The following TRPC7 variants were observed in gnomAD, a reference collection of about 807,000 sequenced individuals.
TRPC7 encodes the protein transient receptor potential cation channel subfamily C member 7.
Under a neutral mutation model 90.1 loss-of-function variants are expected in TRPC7, and 42 were observed. The observed-to-expected ratio is 0.47, with a 90% CI of 0.36 to 0.60. The LOEUF is 0.60. TRPC7 is among the 20% of genes least tolerant of loss of function. The probability of loss-of-function intolerance (pLI) is 0.00; values close to 1 mark genes in which losing one functional copy is unlikely to be tolerated. For missense variants in TRPC7, 955 were observed against 1,112.3 expected, an observed-to-expected ratio of 0.86 and a Z score of 2.01; for synonymous variants, 451 against 436.3, an observed-to-expected ratio of 1.03 and a Z score of -0.42.
In TRPC7 at chr5:136,336,924, T is replaced by G. The variant is rs547814811; in HGVS notation, c.780+19684A>C. 2.0e-5 allele frequency among the ~76,000 whole-genome samples: 3 copies of G among 152,314 alleles called. No individual in the cohort carries two copies. The East Asian group carries it at 5.8e-4, about 29-fold the overall frequency. ...TTCATCAGAAAGATGAACCACAGAA[T>G]GGTGACAGGACTTGGCCAAGGTCAC... On this transcript the variant is annotated intron_variant, in intron 2 of 11. Transcript: ENST00000513104.
chr5:136,329,736 T>C (rs1267834770), intron 2 of TRPC7, among the ~76,000 whole-genome samples: 1 of 152,204 alleles, frequency 6.6e-6, no homozygotes, highest in Non-Finnish European at 1.5e-5. Context: ...GGCGTGGATA[T>C]GCTTATTTAC....
intron 3 of TRPC7, among the ~76,000 whole-genome samples, chr5:136,284,570 G>T (rs1757650362): frequency 6.6e-6 from 1 of 152,204 alleles, no homozygotes; most frequent in Admixed American, 6.5e-5. Flanking sequence ...CACAGAAGTT[G>T]ATAATAATGT....
At chr5:136,215,501 G>A (rs1326171464) in intron 11 of TRPC7, among the ~76,000 whole-genome samples, 2 of 152,120 alleles carry the variant, frequency 1.3e-5, no homozygotes, top group Admixed American at 1.3e-4. Flanking sequence ...TGTCCTGGTG[G>A]AACCAATTCA....
At chr5:136,364,292 T>G (rs1760658406) in intron 1 of TRPC7, among the ~76,000 whole-genome samples, 1 of 152,204 alleles carries the variant, frequency 6.6e-6, no homozygotes, top group Non-Finnish European at 1.5e-5. Flanking sequence ...TAGGAGCAAG[T>G]GTTTTTGGAA....
intron 3 of TRPC7, among the ~76,000 whole-genome samples, chr5:136,312,862 T>C (rs1251998799): frequency 1.3e-5 from 2 of 152,168 alleles, no homozygotes; most frequent in Non-Finnish European, 2.9e-5. Flanking sequence ...TAGAGGCTGA[T>C]TATAGATTAG....
rs1361032046 is a variant in TRPC7 at position 136,274,798 on chromosome 5, T to C, written c.1003A>G (p.Met335Val). ...AAGCCTGAGAGATTTTCATACCACA[T>C]GGTAAGCAATTGCTGCTGACAGTTA... ...HPNCQQQLLTMWYENLSGLRQ... is the reference protein window; with the variant it reads ...HPNCQQQLLTVWYENLSGLRQ... Residue 335 changes from methionine (M) to valine (V), a missense_variant, in exon 4 of 12, where the codon ATG becomes GTG. Met to Val is a conservative substitution (Grantham distance 21). Transcript: ENST00000513104. 6.3e-7 allele frequency: 1 copy of C among 1,587,660 alleles called. No individual in the cohort carries two copies. Among genetic ancestry groups the C allele is most frequent in the Non-Finnish European group, 8.6e-7 (1 of 1,166,668 alleles).
intron 3 of TRPC7, among the ~76,000 whole-genome samples, chr5:136,287,250 T>C (rs1034002351): frequency 6.6e-6 from 1 of 152,132 alleles, no homozygotes; most frequent in Non-Finnish European, 1.5e-5. Context: ...AGCTCTGTGT[T>C]CTGGTGGTCA....
intron 4 of TRPC7, among the ~76,000 whole-genome samples, chr5:136,270,509 G>A (rs989906788): frequency 6.6e-6 from 1 of 152,132 alleles, no homozygotes; most frequent in African/African-American, 2.4e-5. Context: ...CCCAAACAGA[G>A]TCCTTATGTC....
intron 7 of TRPC7, among the ~76,000 whole-genome samples, chr5:136,234,510 A>G (rs888783285): frequency 1.3e-5 from 2 of 152,030 alleles, no homozygotes; most frequent in African/African-American, 4.8e-5. Flanking sequence ...GGGTTTCACC[A>G]TGTTGGCCAG....
chr5:136,276,191 G>A (rs537107618), intron 3 of TRPC7, among the ~76,000 whole-genome samples: 4 of 152,236 alleles, frequency 2.6e-5, no homozygotes, highest in South Asian at 2.1e-4. Flanking sequence ...AAATATACTC[G>A]TTAGCTTATT....
chr5:136,216,292 G>C lies in TRPC7; in HGVS notation c.2344-17C>G, dbSNP rs1755265025. On this transcript the variant is annotated splice_polypyrimidine_tract_variant and intron_variant, in intron 10 of 11. Transcript: ENST00000513104. ...CATGATTTTCTGAAATGCCAAGCAA[G>C]GAAGGGATCAGACAGGGCTGGCCTA... 8.7e-6 allele frequency: 14 copies of C among 1,605,188 alleles called. No homozygotes were observed. The highest frequency in any genetic ancestry group is 1.2e-5 in the Non-Finnish European group (14 of 1,174,830).
At chr5:136,290,862 A>G (rs1240409125) in intron 3 of TRPC7, among the ~76,000 whole-genome samples, 1 of 152,244 alleles carries the variant, frequency 6.6e-6, no homozygotes, top group Non-Finnish European at 1.5e-5. Context: ...AGTTGAAATG[A>G]AGGAAAAAAT....
intron 2 of TRPC7, among the ~76,000 whole-genome samples, chr5:136,346,653 G>A (rs1002939691): frequency 1.3e-5 from 2 of 152,028 alleles, no homozygotes; most frequent in African/African-American, 2.4e-5. Context: ...AATAACCTCC[G>A]GTTTTCTCCG....
Position 136,251,681 on chromosome 5 carries a change from G to A in TRPC7, c.1547C>T (p.Ser516Leu), listed in dbSNP as rs555327305. ...GAAGTATGCCACTTCCGGCGGAAGC[G>A]AGACATTGTGCAGCGTGTCGTCCTG... The part of the protein sequence containing the change: ...HVQDDTLHNV[S>L]LPPEVAYFTY... The change falls in exon 6 of 12, where the codon TCG (serine) becomes TTG (leucine). Residue 516 changes from serine to leucine, a missense_variant. By Grantham distance (145) the Ser-to-Leu change is moderately radical. This residue lies in a region of TRPC7 where 484 missense variants were observed against 509.6 expected (regional missense o/e 0.95). Transcript: ENST00000513104. 3.8e-5 allele frequency: 61 copies of A among 1,610,694 alleles called. 1 individual carries two copies. In the South Asian group the frequency reaches 6.4e-4, roughly 17 times the overall value.
chr5:136,286,482 C>T (rs927144792), intron 3 of TRPC7, among the ~76,000 whole-genome samples: 2 of 152,156 alleles, frequency 1.3e-5, no homozygotes, highest in Admixed American at 6.5e-5. Flanking sequence ...TGAGGAAGCT[C>T]AAAATATCCA....
At chr5:136,240,063 T>C (rs1439266847) in intron 7 of TRPC7, among the ~76,000 whole-genome samples, 2 of 152,316 alleles carry the variant, frequency 1.3e-5, no homozygotes, top group East Asian at 3.9e-4. Flanking sequence ...TCTAACACTC[T>C]ATCAGGACTT....
chr5:136,232,087 A>G (rs115448581), intron 7 of TRPC7, among the ~76,000 whole-genome samples: 378 of 152,298 alleles, frequency 2.5e-3, no homozygotes, highest in Non-Finnish European at 4.6e-3. Flanking sequence ...TTTTTATTCA[A>G]TCCATTTATT....
intron 3 of TRPC7, among the ~76,000 whole-genome samples, chr5:136,276,216 A>G (rs1757362417): frequency 6.6e-6 from 1 of 152,180 alleles, no homozygotes; most frequent in South Asian, 2.1e-4. Flanking sequence ...TCCCCATGAC[A>G]GGAGGAAGCC....
At position 136,251,638 on chromosome 5, in the gene TRPC7, C is replaced by T. The variant is rs1288541234; in HGVS notation, c.1579+11G>A. On this transcript the variant is annotated intron_variant, in intron 6 of 11. Coordinates refer to ENST00000513104, the MANE Select transcript of TRPC7 (RefSeq NM_020389.3). ...GCCAAAATGGAGTAGGGGAAGCACT[C>T]TCCGACTCACCGTAGGTGAAGTATG... The T allele has an allele frequency of 6.3e-7, 1 of 1,587,664 alleles. No individual in the cohort carries two copies. The highest frequency in any genetic ancestry group is 1.1e-5 in the South Asian group (1 of 88,744).
Sources: gnomAD v4.1 joint callset for allele counts (sites outside exome capture counted in the v4.1 genomes callset) on GRCh38, gnomAD v4.1.1 for gene constraint, gnomAD v4.1.1 regional missense constraint, MANE v1.5 for transcripts, NCBI Gene and HGNC (gene_info 2026-07-23, HGNC 2026-07-21) for gene names.